COG6: variants seen among roughly 807,000 people sequenced by gnomAD.
The protein encoded by COG6 is conserved oligomeric Golgi complex subunit 6.
In COG6, 74 loss-of-function variants were observed where a neutral mutation model predicts 88.8. The observed-to-expected ratio is 0.83, with a 90% CI of 0.69 to 1.01. The LOEUF (loss-of-function observed/expected upper bound fraction) is 1.01. Among genes scored for constraint, COG6 ranks in the 50% least tolerant of loss-of-function variants. The pLI is 0.00. For synonymous variants in COG6, 286 were observed against 278.7 expected (o/e 1.03, Z -0.26); for missense variants, 800 against 797.9 (o/e 1.00, Z -0.03).
chr13:39,726,883 A>G (rs1411983322), intron 17 of COG6, among the ~76,000 whole-genome samples: 1 of 152,032 alleles, frequency 6.6e-6, no homozygotes. Flanking sequence ...CCGAATCCAC[A>G]GACTAGGTCC....
intron 8 of COG6, among the ~76,000 whole-genome samples, chr13:39,683,026 A>G (rs1876406435): frequency 6.6e-6 from 1 of 152,094 alleles, no homozygotes; most frequent in South Asian, 2.1e-4. Context: ...GGACCTCCCC[A>G]TTACTTTCTG....
downstream of COG6, among the ~76,000 whole-genome samples, chr13:39,752,904 G>A (rs1880713791): frequency 6.6e-6 from 1 of 152,142 alleles, no homozygotes; most frequent in Non-Finnish European, 1.5e-5. Flanking sequence ...CCTGGAAAAG[G>A]CATGTCTGCC....
intron 5 of COG6, chr13:39,678,010 A>G: frequency 2.3e-6 from 1 of 437,818 alleles, no homozygotes; most frequent in Non-Finnish European, 4.5e-6. Flanking sequence ...TAGTACACAC[A>G]TATGTTCTCT....
intron 16 of COG6, 37 bp from the exon 17 acceptor site, chr13:39,724,471 A>G (rs761553264): frequency 1.4e-6 from 2 of 1,441,014 alleles, no homozygotes; most frequent in Non-Finnish European, 1.9e-6. Flanking sequence ...CCTTTTTTAC[A>G]TCTTGGATCT....
intron 18 of COG6, among the ~76,000 whole-genome samples, chr13:39,748,226 A>G (rs1593471150): frequency 1.3e-5 from 2 of 152,216 alleles, no homozygotes; most frequent in African/African-American, 4.8e-5. Flanking sequence ...ACTAGTTTCT[A>G]GTAGTTTTTA....
At chr13:39,688,567 C>T (rs2138009287) in intron 10 of COG6, among the ~76,000 whole-genome samples, 1 of 152,270 alleles carries the variant, frequency 6.6e-6, no homozygotes, top group East Asian at 1.9e-4. Flanking sequence ...CCAAGCCATT[C>T]ATGAGAGATG....
chr13:39,730,225 A>T (rs1383736383), intron 18 of COG6, among the ~76,000 whole-genome samples: 1 of 152,126 alleles, frequency 6.6e-6, no homozygotes, highest in African/African-American at 2.4e-5. Flanking sequence ...GACATTTAAA[A>T]TTGAGATATG....
At chr13:39,760,469 C>T (rs1212285746) in intron 18 of COG6, among the ~76,000 whole-genome samples, 2 of 151,870 alleles carry the variant, frequency 1.3e-5, no homozygotes, top group African/African-American at 4.8e-5. Context: ...AAAGGTGCTG[C>T]TAAAAAAGAA....
chr13:39,746,651 A>T (rs779561039), intron 18 of COG6, among the ~76,000 whole-genome samples: 1 of 152,216 alleles, frequency 6.6e-6, no homozygotes, highest in South Asian at 2.1e-4. Flanking sequence ...CATATGTGAT[A>T]TTAGTAATTA....
At chr13:39,681,250 G>A (rs1876297159) in intron 7 of COG6, among the ~76,000 whole-genome samples, 1 of 152,220 alleles carries the variant, frequency 6.6e-6, no homozygotes. Context: ...GATCTGGTTG[G>A]TTAAGTCTTT....
At chr13:39,758,820 T>C (rs1350983222) in intron 18 of COG6, among the ~76,000 whole-genome samples, 1 of 152,162 alleles carries the variant, frequency 6.6e-6, no homozygotes, top group African/African-American at 2.4e-5. Flanking sequence ...TAGAAATAAC[T>C]GAAATATCCA....
chr13:39,758,719 T>C (rs1414964710), intron 18 of COG6, among the ~76,000 whole-genome samples: 1 of 152,216 alleles, frequency 6.6e-6, no homozygotes, highest in African/African-American at 2.4e-5. Flanking sequence ...AGCAATTCTA[T>C]GCCTAGGCTT....
chr13:39,761,709 G>A (rs1332924213), intron 18 of COG6, among the ~76,000 whole-genome samples: 1 of 151,132 alleles, frequency 6.6e-6, no homozygotes, highest in East Asian at 1.9e-4. Flanking sequence ...TTTAAAAATG[G>A]GCGAAAGAGC....
intron 18 of COG6, among the ~76,000 whole-genome samples, chr13:39,775,381 T>C (rs1394241282): frequency 6.6e-6 from 1 of 152,178 alleles, no homozygotes; most frequent in Non-Finnish European, 1.5e-5. Flanking sequence ...AGGATTAGAT[T>C]TGAGAAAAAG....
At chr13:39,747,101 AG>A (rs1158479781) in intron 18 of COG6, among the ~76,000 whole-genome samples, 23 of 152,322 alleles carry the variant, frequency 1.5e-4, no homozygotes, top group African/African-American at 5.5e-4. Flanking sequence ...TACTTGTTCA[AG>A]GCAACAATAA....
At chr13:39,689,197 G>A (rs532096689) in intron 10 of COG6, among the ~76,000 whole-genome samples, 1 of 152,190 alleles carries the variant, frequency 6.6e-6, no homozygotes, top group East Asian at 1.9e-4. Context: ...CTACATGAAT[G>A]ACTTCAATCT....
At chr13:39,762,268 A>G (rs1881039162) in intron 18 of COG6, among the ~76,000 whole-genome samples, 3 of 151,950 alleles carry the variant, frequency 2.0e-5, no homozygotes, top group African/African-American at 7.2e-5. Context: ...CAGGCACAGA[A>G]ATATAAATAC....
intron 13 of COG6, among the ~76,000 whole-genome samples, chr13:39,710,351 C>A (rs1243906770): frequency 1.3e-5 from 2 of 152,008 alleles, no homozygotes; most frequent in African/African-American, 2.4e-5. Context: ...ACCTTTAAGG[C>A]AGTTTGTTTT....
At chr13:39,703,663 A>G (rs1187175542) in intron 13 of COG6, among the ~76,000 whole-genome samples, 1 of 152,148 alleles carries the variant, frequency 6.6e-6, no homozygotes, top group East Asian at 1.9e-4. Context: ...TTTAATATAT[A>G]ATAAAGATAG....
Sources: allele counts gnomAD v4.1 joint callset (sites outside exome capture counted in the v4.1 genomes callset), GRCh38; gene constraint gnomAD v4.1.1; transcripts MANE v1.5; gene names NCBI Gene and HGNC (gene_info 2026-07-23, HGNC 2026-07-21).